KCNH7: variants seen among roughly 807,000 people sequenced by gnomAD.
KCNH7 encodes potassium voltage-gated channel subfamily H member 7, also known as voltage-gated inwardly rectifying potassium channel KCNH7.
KCNH7 carries 49 observed loss-of-function variants against 120.8 expected under a neutral mutation model. The observed-to-expected ratio is 0.41, with a 90% CI of 0.32 to 0.51. KCNH7 has a LOEUF of 0.51. Among genes scored for constraint, KCNH7 ranks in the 20% least tolerant of loss-of-function variants. KCNH7 has a pLI of 0.38. For synonymous variants in KCNH7, 547 were observed against 516.1 expected (o/e 1.06, Z -0.81); for missense variants, 1,097 against 1,446.6 (o/e 0.76, Z 3.92).
At chr2:162,682,417 C>CAGAGAGAGAGAGAGAGAG (rs35747306) in intron 2 of KCNH7, among the ~76,000 whole-genome samples, 2 of 147,146 alleles carry the variant, frequency 1.4e-5, no homozygotes, top group African/African-American at 4.9e-5. Flanking sequence ...GAGACAGAGA[C>CAGAGAGAGAGAGAGAGAG]AGAGAGAGAG....
intron 2 of KCNH7, among the ~76,000 whole-genome samples, chr2:162,620,822 T>A (rs1478123320): frequency 6.6e-6 from 1 of 152,070 alleles, no homozygotes; most frequent in Non-Finnish European, 1.5e-5. Context: ...CTATTACAGA[T>A]CCTCTGTCAC....
In KCNH7 at chr2:162,713,500, C is replaced by T. The variant is rs561074086; in HGVS notation, c.307+123037G>A. ...GATTATGAAGAATTACATAAAATTG[C>T]TCAGGCTAGTTTAGTTACTAGCCAT... On this transcript the variant is annotated intron_variant, in intron 2 of 15. Transcript: ENST00000332142. 9.9e-4 allele frequency among the ~76,000 whole-genome samples: 150 copies of T among 152,174 alleles called. 1 individual carries two copies. Among genetic ancestry groups the T allele is most frequent in the African/African-American group, 3.4e-3 (141 of 41,524 alleles).
At chr2:162,384,397 C>G (rs750655086) in intron 13 of KCNH7, among the ~76,000 whole-genome samples, 3 of 151,788 alleles carry the variant, frequency 2.0e-5, no homozygotes, top group Non-Finnish European at 4.4e-5. Context: ...GTCCTCTCTC[C>G]CCATTGAAAT....
At position 162,450,356 on chromosome 2, in the gene KCNH7, C is replaced by A. The variant is rs181632920; in HGVS notation, c.1129-3913G>T. Among the ~76,000 whole-genome samples, 4 of 152,136 alleles carry A rather than the reference C, an allele frequency of 2.6e-5. No individual in the cohort carries two copies. The East Asian group carries it at 7.7e-4, about 29-fold the overall frequency. ...TGTATAACAATGGAGTGTGTTTTGA[C>A]AATGCATTTGTAGAAACTGGTATGG... On this transcript the variant is annotated intron_variant, in intron 6 of 15. Transcript: ENST00000332142.
intron 2 of KCNH7, among the ~76,000 whole-genome samples, chr2:162,686,599 C>G (rs931267635): frequency 2.6e-5 from 4 of 152,110 alleles, no homozygotes; most frequent in Admixed American, 2.6e-4. Context: ...TAGAGAGAGT[C>G]TGGCAGGGGT....
intron 2 of KCNH7, among the ~76,000 whole-genome samples, chr2:162,676,089 C>G (rs1384481780): frequency 3.3e-5 from 5 of 151,510 alleles, no homozygotes; most frequent in African/African-American, 1.2e-4. Context: ...CTCTCATGTC[C>G]TTTCCTAAAC....
At chr2:162,550,162 A>G (rs550524298) in intron 2 of KCNH7, among the ~76,000 whole-genome samples, 1 of 152,304 alleles carries the variant, frequency 6.6e-6, no homozygotes, top group African/African-American at 2.4e-5. Context: ...TTTGGAGCCT[A>G]ACTTAAGGGA....
intron 6 of KCNH7, among the ~76,000 whole-genome samples, chr2:162,480,382 A>T (rs886709407): frequency 2.0e-5 from 3 of 152,096 alleles, no homozygotes; most frequent in African/African-American, 4.8e-5. Flanking sequence ...TAGCAATGGG[A>T]TTGGGAGGGT....
intron 2 of KCNH7, among the ~76,000 whole-genome samples, chr2:162,650,633 G>A (rs1684531752): frequency 1.3e-5 from 2 of 152,106 alleles, no homozygotes; most frequent in African/African-American, 4.8e-5. Context: ...AAATTCTCCT[G>A]TCAGGTACTC....
intron 3 of KCNH7, among the ~76,000 whole-genome samples, chr2:162,532,829 AT>A (rs1290875592): frequency 6.6e-6 from 1 of 151,918 alleles, no homozygotes; most frequent in Admixed American, 6.6e-5. Context: ...GGAGAAGAAA[AT>A]AGATAAGCTC....
intron 3 of KCNH7, among the ~76,000 whole-genome samples, chr2:162,519,595 A>G (rs1691446822): frequency 6.6e-6 from 1 of 151,788 alleles, no homozygotes; most frequent in Non-Finnish European, 1.5e-5. Context: ...TAAAACTTCC[A>G]CTCCTCAAAG....
intron 2 of KCNH7, among the ~76,000 whole-genome samples, chr2:162,598,287 T>C (rs1451696325): frequency 6.6e-6 from 1 of 152,074 alleles, no homozygotes; most frequent in Non-Finnish European, 1.5e-5. Context: ...AGCTAGACTA[T>C]AGTAACGGAG....
chr2:162,488,399 A>G (rs1038033069), intron 6 of KCNH7, among the ~76,000 whole-genome samples: 6 of 152,290 alleles, frequency 3.9e-5, no homozygotes, highest in African/African-American at 1.4e-4. Flanking sequence ...CTTGGTGATC[A>G]TTGAACATGC....
chr2:162,790,031 T>A (rs1339869801), intron 2 of KCNH7, among the ~76,000 whole-genome samples: 1 of 151,242 alleles, frequency 6.6e-6, no homozygotes, highest in East Asian at 1.9e-4. Context: ...GAACAATAGA[T>A]AAGATCAATA....
At chr2:162,573,061 A>C (rs2105902522) in intron 2 of KCNH7, among the ~76,000 whole-genome samples, 1 of 152,100 alleles carries the variant, frequency 6.6e-6, no homozygotes. Flanking sequence ...AACACACTTA[A>C]AAAAAAAGGT....
chr2:162,786,655 A>T (rs1683717199), intron 2 of KCNH7, among the ~76,000 whole-genome samples: 1 of 152,212 alleles, frequency 6.6e-6, no homozygotes, highest in Admixed American at 6.5e-5. Context: ...AAAATTCTAA[A>T]TGTAAGCTGC....
chr2:162,386,151 C>G lies in KCNH7; in HGVS notation c.2711-1212G>C, dbSNP rs79765943. On this transcript the variant is annotated intron_variant, in intron 12 of 15. Transcript: ENST00000332142. ...AGCCATGGACCTTTCCGATCTCCAA[C>G]ATTACAGACATCATTGATTACTTAC... is the stretch of plus-strand genomic sequence containing the variant. 6.7e-3 allele frequency among the ~76,000 whole-genome samples: 1,023 copies of G among 152,040 alleles called. 7 individuals are homozygous for G. The highest frequency in any genetic ancestry group is 0.024 in the African/African-American group (983 of 41,542).
intron 2 of KCNH7, among the ~76,000 whole-genome samples, chr2:162,592,917 T>A (rs1694257931): frequency 6.6e-6 from 1 of 152,084 alleles, no homozygotes; most frequent in African/African-American, 2.4e-5. Context: ...TGTAAATGAA[T>A]GAGTATCTGC....
intron 2 of KCNH7, among the ~76,000 whole-genome samples, chr2:162,567,996 A>G (rs1346694141): frequency 6.6e-6 from 1 of 152,036 alleles, no homozygotes; most frequent in Non-Finnish European, 1.5e-5. Flanking sequence ...GACATACCTG[A>G]GCCTGGGTAA....
Sources: gnomAD v4.1 joint callset for allele counts (sites outside exome capture counted in the v4.1 genomes callset) on GRCh38, gnomAD v4.1.1 for gene constraint, MANE v1.5 for transcripts, NCBI Gene and HGNC (gene_info 2026-07-23, HGNC 2026-07-21) for gene names.